Variants in CAMK1D observed in about 807,000 individuals in gnomAD.
CAMK1D encodes the protein calcium/calmodulin dependent protein kinase ID, also known as calcium/calmodulin-dependent protein kinase type 1D.
Under a neutral mutation model 47.7 loss-of-function variants are expected in CAMK1D, and 9 were observed. That is an observed-to-expected ratio of 0.19 (90% confidence interval 0.11 to 0.33). CAMK1D has a LOEUF of 0.33. Ranked by LOEUF, CAMK1D falls within the 10% of genes least tolerant of loss-of-function variation. CAMK1D has a pLI of 1.00. For missense variants in CAMK1D, 291 were observed against 488.7 expected (o/e 0.60, Z 3.81); for synonymous variants, 184 against 184.9 (o/e 0.99, Z 0.04).
chr10:12,387,383 ATATATATTATATATTTT>A (rs1442336610), intron 1 of CAMK1D, among the ~76,000 whole-genome samples: 1,241 of 33,872 alleles, frequency 0.037, 39 homozygotes, highest in African/African-American at 0.051. Context: ...ATTATATATT[ATATATATTATATATTTT>A]TATATATTAT....
chr10:12,661,544 C>T (rs1482702076), intron 2 of CAMK1D, among the ~76,000 whole-genome samples: 1 of 152,160 alleles, frequency 6.6e-6, no homozygotes, highest in East Asian at 1.9e-4. Context: ...ATACTTAGTG[C>T]AGTCTTAACA....
intron 2 of CAMK1D, among the ~76,000 whole-genome samples, chr10:12,628,606 T>C (rs1448426757): frequency 6.6e-6 from 1 of 152,206 alleles, no homozygotes; most frequent in Non-Finnish European, 1.5e-5. Context: ...TTTGCTATAA[T>C]TGATGAGCCA....
At chr10:12,671,330 G>A (rs371428852) in intron 3 of CAMK1D, among the ~76,000 whole-genome samples, 11 of 151,450 alleles carry the variant, frequency 7.3e-5, no homozygotes, top group African/African-American at 1.2e-4. Context: ...TGAAATTGCC[G>A]GGTCGAATGA....
rs116870223 is a variant in CAMK1D at position 12,508,549 on chromosome 10, A to G, written c.93-44676A>G. Among the ~76,000 whole-genome samples the G allele has an allele frequency of 7.3e-3, 1,107 of 152,326 alleles. 25 individuals carry two copies. Among genetic ancestry groups the G allele is most frequent in the East Asian group, 0.044 (227 of 5,188 alleles). On this transcript the variant is annotated intron_variant, in intron 1 of 10. Transcript: ENST00000619168. ...ACAGTTCCCATTGGGAAGATGAAAA[A>G]ATTCTGGAGGTGGACGGCGGTGATG...
intron 2 of CAMK1D, among the ~76,000 whole-genome samples, chr10:12,564,137 CTCTCTCTCTG>C (rs1403417284): frequency 2.9e-4 from 28 of 96,490 alleles, no homozygotes; most frequent in Middle Eastern, 5.9e-3. Flanking sequence ...CTCTCTCTCT[CTCTCTCTCTG>C]TCTCTCTCTC....
At chr10:12,740,624 G>A (rs778717307) in intron 3 of CAMK1D, among the ~76,000 whole-genome samples, 1 of 152,078 alleles carries the variant, frequency 6.6e-6, no homozygotes, top group Non-Finnish European at 1.5e-5. Context: ...AAAGAAACTG[G>A]GAGATGGAGC....
At chr10:12,791,024 A>G (rs1297705475) in intron 5 of CAMK1D, 134 bp from the exon 6 acceptor site, 2 of 714,786 alleles carry the variant, frequency 2.8e-6, no homozygotes, top group East Asian at 5.2e-5. Flanking sequence ...AAGCCAACAC[A>G]TAAAATGGGT....
At chr10:12,401,126 T>C (rs1466876601) in intron 1 of CAMK1D, among the ~76,000 whole-genome samples, 1 of 70,104 alleles carries the variant, frequency 1.4e-5, no homozygotes, top group Non-Finnish European at 2.5e-5. Context: ...ATAATATATG[T>C]ATTATATATA....
At chr10:12,656,791 T>C (rs1262689026) in intron 2 of CAMK1D, among the ~76,000 whole-genome samples, 1 of 152,256 alleles carries the variant, frequency 6.6e-6, no homozygotes, top group Non-Finnish European at 1.5e-5. Context: ...AAGTGGCCTA[T>C]GGTCTACAAC....
In CAMK1D at chr10:12,715,806, C is replaced by T. The variant is rs531548144; in HGVS notation, c.300-45142C>T. Reference sequence around the variant, plus strand: ...TGCAATCTCGGCTCATTGCAGCCTCCGCCTCCCGGGTTCAAGCCTCAGCCT... The same window carrying T: ...TGCAATCTCGGCTCATTGCAGCCTCTGCCTCCCGGGTTCAAGCCTCAGCCT... On this transcript the variant is annotated intron_variant, in intron 3 of 10. Transcript: ENST00000619168. Among the ~76,000 whole-genome samples, 152 of 150,232 alleles carry T rather than the reference C, an allele frequency of 1.0e-3. 3 individuals carry two copies. In the Middle Eastern group the frequency reaches 0.01, roughly 10 times the overall value.
At chr10:12,597,666 C>T (rs1460937863) in intron 2 of CAMK1D, among the ~76,000 whole-genome samples, 1 of 152,168 alleles carries the variant, frequency 6.6e-6, no homozygotes, top group Non-Finnish European at 1.5e-5. Flanking sequence ...TGTAGCCTTC[C>T]TGACTTTAAA....
intron 3 of CAMK1D, among the ~76,000 whole-genome samples, chr10:12,723,119 G>T (rs1156836458): frequency 2.6e-5 from 4 of 152,100 alleles, no homozygotes; most frequent in African/African-American, 9.7e-5. Context: ...TCAGGCAGTG[G>T]GCTTGTGTAT....
chr10:12,575,529 G>T (rs1201397612), intron 2 of CAMK1D, among the ~76,000 whole-genome samples: 1 of 152,172 alleles, frequency 6.6e-6, no homozygotes, highest in Non-Finnish European at 1.5e-5. Context: ...AAAATCTCCA[G>T]CCTTCATGTC....
At chr10:12,544,920 G>C (rs559001896) in intron 1 of CAMK1D, among the ~76,000 whole-genome samples, 19 of 152,178 alleles carry the variant, frequency 1.2e-4, no homozygotes, top group Non-Finnish European at 2.6e-4. Flanking sequence ...TTGAGCGGAA[G>C]GTCATTAGGA....
At chr10:12,744,722 C>A (rs1421184941) in intron 3 of CAMK1D, among the ~76,000 whole-genome samples, 2 of 147,942 alleles carry the variant, frequency 1.4e-5, no homozygotes, top group Non-Finnish European at 3.0e-5. Flanking sequence ...GAGAGTTGGT[C>A]TCTACAAAAA....
At chr10:12,397,649 G>T (rs545729192) in intron 1 of CAMK1D, among the ~76,000 whole-genome samples, 16 of 152,172 alleles carry the variant, frequency 1.1e-4, no homozygotes, top group Non-Finnish European at 1.0e-4. Context: ...ACCAGGAAGC[G>T]CTCAGTGATG....
chr10:12,547,701 C>CACACACACA (rs1554786385), intron 1 of CAMK1D, among the ~76,000 whole-genome samples: 2 of 143,714 alleles, frequency 1.4e-5, no homozygotes, highest in Non-Finnish European at 3.0e-5. Context: ...CACACACACA[C>CACACACACA]CACTGTGTTA....
intron 1 of CAMK1D, among the ~76,000 whole-genome samples, chr10:12,474,312 C>T (rs1361987842): frequency 1.3e-5 from 2 of 151,306 alleles, no homozygotes; most frequent in African/African-American, 2.4e-5. Flanking sequence ...CATTCTCCTG[C>T]CTCAACCTCC....
chr10:12,628,223 T>A (rs1340387058), intron 2 of CAMK1D, among the ~76,000 whole-genome samples: 2 of 152,228 alleles, frequency 1.3e-5, no homozygotes, highest in African/African-American at 2.4e-5. Context: ...TATCTACGAA[T>A]GGAATTGCTG....
Sources: allele counts gnomAD v4.1 joint callset (sites outside exome capture counted in the v4.1 genomes callset), GRCh38; gene constraint gnomAD v4.1.1; transcripts MANE v1.5; gene names NCBI Gene and HGNC (gene_info 2026-07-23, HGNC 2026-07-21).